The following DCAF10 variants were observed in gnomAD, a reference collection of about 807,000 sequenced individuals.
DCAF10 encodes the protein DDB1 and CUL4 associated factor 10, also known as DDB1- and CUL4-associated factor 10.
DCAF10 carries 19 observed loss-of-function variants against 51.9 expected under a neutral mutation model. The observed-to-expected ratio is 0.37, with a 90% CI of 0.26 to 0.54. DCAF10 has a LOEUF of 0.54. DCAF10 is among the 20% of genes least tolerant of loss of function. The pLI is 0.87. For synonymous variants in DCAF10, 291 were observed against 297.1 expected (o/e 0.98, Z 0.21); for missense variants, 510 against 730.6 (o/e 0.70, Z 3.48).
chr9:37,826,039 GA>G (rs36005970), intron 2 of DCAF10, among the ~76,000 whole-genome samples: 25,013 of 93,610 alleles, frequency 0.27, 2,255 homozygotes, highest in African/African-American at 0.33. Context: ...CATCTTAAAA[GA>G]AAAAAAAAAA....
At position 37,850,870 on chromosome 9, in the gene DCAF10, A is replaced by ATATATATATG. The variant is rs1830627163; in HGVS notation, c.852-3901_852-3900insGTATATATAT. On this transcript the variant is annotated intron_variant, in intron 3 of 6. Transcript: ENST00000377724. ...TATATATATATATATATATATATAT[A>ATATATATATG]TATATATATATAAATTAGCTTGATT... Among the ~76,000 whole-genome samples, 6 of 83,570 alleles carry ATATATATATG rather than the reference A, an allele frequency of 7.2e-5. No homozygotes were observed. In the South Asian group the frequency reaches 1.2e-3, roughly 16 times the overall value. 54.8% of individuals were successfully genotyped at this position (83,570 alleles called of 152,430 possible). A position where few individuals can be genotyped will look rare whatever the true frequency, so the allele number is the denominator to read the frequency against.
chr9:37,835,280 T>TA (rs1354237515), intron 2 of DCAF10, among the ~76,000 whole-genome samples: 5 of 151,520 alleles, frequency 3.3e-5, no homozygotes, highest in African/African-American at 7.3e-5. Flanking sequence ...ACTAAAAATG[T>TA]AAAAAAAATT....
chr9:37,826,065 G>T (rs1389594696), intron 2 of DCAF10, among the ~76,000 whole-genome samples: 4 of 145,236 alleles, frequency 2.8e-5, no homozygotes, highest in African/African-American at 5.3e-5. Context: ...TAAAAAAGTG[G>T]TATATTTCTT....
chr9:37,808,365 G>A (rs754415145), intron 1 of DCAF10, among the ~76,000 whole-genome samples: 70 of 148,816 alleles, frequency 4.7e-4, no homozygotes, highest in Non-Finnish European at 9.4e-4. Context: ...CCAAAATCGC[G>A]CCACTGCACT....
At chr9:37,802,281 G>A (rs1473197512) in intron 1 of DCAF10, among the ~76,000 whole-genome samples, 1 of 151,974 alleles carries the variant, frequency 6.6e-6, no homozygotes, top group Admixed American at 6.6e-5. Context: ...ATTGAGCCTG[G>A]GACTTAATGG....
rs1589100493 is a variant in DCAF10 at position 37,836,948 on chromosome 9, TC to T, written c.654-5140del. Among the ~76,000 whole-genome samples, 6 of 152,306 alleles carry T rather than the reference TC, an allele frequency of 3.9e-5. No homozygotes were observed. The South Asian group carries it at 1.2e-3, about 32-fold the overall frequency. ...GACTGTGAATATACTTCACAGTAGA[TC>T]AAACACATTTATGGCATGCACTGAC... On this transcript the variant is annotated intron_variant, in intron 2 of 6. Transcript: ENST00000377724.
chr9:37,811,934 C>A (rs1019777021), intron 1 of DCAF10, among the ~76,000 whole-genome samples: 1 of 152,130 alleles, frequency 6.6e-6, no homozygotes, highest in African/African-American at 2.4e-5. Flanking sequence ...CCCCTGTAAT[C>A]CCAGCACTTA....
chr9:37,829,364 C>T lies in DCAF10; in HGVS notation c.653+9963C>T, dbSNP rs539454146. Among the ~76,000 whole-genome samples the T allele has an allele frequency of 1.1e-3, 173 of 152,114 alleles. 1 individual carries two copies. The highest frequency in any genetic ancestry group is 6.6e-3 in the South Asian group (32 of 4,814). The stretch of plus-strand genomic sequence containing the variant: ...CTGAGACAGGAGAATCACTTGAACC[C>T]GGGAGGCGGAGGTTGCGGTGAGCCA... On this transcript the variant is annotated intron_variant, in intron 2 of 6. Transcript: ENST00000377724. This position sits in a 1 kb window ranked among gnomAD's most constrained non-coding sequence, Gnocchi z 4.2.
At chr9:37,810,432 G>A (rs939184975) in intron 1 of DCAF10, among the ~76,000 whole-genome samples, 5 of 152,016 alleles carry the variant, frequency 3.3e-5, no homozygotes, top group African/African-American at 1.2e-4. Flanking sequence ...GCAGCAATGA[G>A]GCTGAATGGT....
In DCAF10 at chr9:37,861,424, G is replaced by C. The variant is rs775856274; in HGVS notation, c.1596G>C (p.Leu532=). ...RSLYSHNDVV[L]TTKFSPTHCQ... ...TGTACTCTCATAATGATGTGGTACTGACAACAAAGTTCTCTCCAACACATT... is the reference window on the plus strand; with the variant it reads ...TGTACTCTCATAATGATGTGGTACTCACAACAAAGTTCTCTCCAACACATT... The change falls in exon 7 of 7, where the codon CTG becomes CTC. Residue 532 remains leucine, a synonymous_variant. Transcript: ENST00000377724. The surrounding 1 kb of genome is among the most constrained non-coding windows in gnomAD (Gnocchi z 4.9). 9 of 1,614,052 alleles carry C rather than the reference G, an allele frequency of 5.6e-6. No individual in the cohort carries two copies. The highest frequency in any genetic ancestry group is 1.7e-5 in the Admixed American group (1 of 60,000).
chr9:37,818,814 T>C (rs1471142172), intron 1 of DCAF10, among the ~76,000 whole-genome samples: 1 of 152,242 alleles, frequency 6.6e-6, no homozygotes, highest in Non-Finnish European at 1.5e-5. Context: ...TTCATATTCA[T>C]ATAAAGCTAC....
intron 2 of DCAF10, among the ~76,000 whole-genome samples, chr9:37,837,863 T>C (rs1830218322): frequency 4.0e-5 from 6 of 149,666 alleles, no homozygotes; most frequent in Admixed American, 4.0e-4. Context: ...AAAAAAAGAA[T>C]TAAAATTTTG....
Position 37,862,485 on chromosome 9 carries a change from G to T in DCAF10, c.*977G>T, listed in dbSNP as rs1206137042. Reference sequence around the variant, plus strand: ...AAGAGGAATCAAGAGTAAAGAGGTAGGGGTTTACTCATTTTTCTTCCCTGA... The same window carrying T: ...AAGAGGAATCAAGAGTAAAGAGGTATGGGTTTACTCATTTTTCTTCCCTGA... On this transcript the variant is annotated 3_prime_UTR_variant, in exon 7 of 7. Transcript: ENST00000377724. 1 of 152,180 alleles carries T rather than the reference G, an allele frequency of 6.6e-6. No individual in the cohort carries two copies. Among genetic ancestry groups the T allele is most frequent in the African/African-American group, 2.4e-5 (1 of 41,450 alleles). 9.4% of individuals were successfully genotyped at this position (152,180 alleles called of 1,614,324 possible).
intron 3 of DCAF10, among the ~76,000 whole-genome samples, chr9:37,843,706 A>AGCTT (rs1830398056): frequency 6.6e-6 from 1 of 152,256 alleles, no homozygotes; most frequent in Non-Finnish European, 1.5e-5. Flanking sequence ...GATGAAAACT[A>AGCTT]GCTTACAAAA....
At chr9:37,826,626 A>G (rs530977015) in intron 2 of DCAF10, among the ~76,000 whole-genome samples, 1 of 152,228 alleles carries the variant, frequency 6.6e-6, no homozygotes, top group South Asian at 2.1e-4. Context: ...TCAATGAGAG[A>G]ATGCACAGGT....
intron 1 of DCAF10, among the ~76,000 whole-genome samples, chr9:37,818,789 A>C (rs1389900481): frequency 6.6e-6 from 1 of 152,192 alleles, no homozygotes; most frequent in African/African-American, 2.4e-5. Flanking sequence ...ATTTAAAAAT[A>C]TGTTTTGGAG....
At chr9:37,832,282 AC>A (rs1830031334) in intron 2 of DCAF10, 1 of 146,698 alleles carries the variant, frequency 6.8e-6, no homozygotes, top group East Asian at 2.0e-4. Context: ...ACAAGGTGAA[AC>A]CCCATCTCTA....
chr9:37,809,356 T>C (rs1436328907), intron 1 of DCAF10, among the ~76,000 whole-genome samples: 5 of 123,516 alleles, frequency 4.0e-5, no homozygotes, highest in African/African-American at 9.4e-5. Flanking sequence ...CTGCAAATAA[T>C]AGGAAAATCA....
upstream of DCAF10, chr9:37,800,596 G>A (rs77938004): frequency 2.2e-5 from 34 of 1,536,112 alleles, no homozygotes; most frequent in African/African-American, 4.4e-4. Flanking sequence ...GACAACTACA[G>A]ACCGACTCTG....
Sources: allele counts gnomAD v4.1 joint callset (sites outside exome capture counted in the v4.1 genomes callset), GRCh38; gene constraint gnomAD v4.1.1; non-coding constraint Gnocchi (gnomAD v3.1); transcripts MANE v1.5; gene names NCBI Gene and HGNC (gene_info 2026-07-23, HGNC 2026-07-21).